The following GULP1 variants were observed in gnomAD, a reference collection of about 807,000 sequenced individuals.
GULP1 encodes PTB domain-containing engulfment adapter protein 1.
A neutral mutation model predicts 40.9 loss-of-function variants in GULP1; 19 were observed. The ratio of observed to expected loss-of-function variants is 0.46; its 90% CI spans 0.32 to 0.68. The LOEUF (loss-of-function observed/expected upper bound fraction) is 0.68, where lower values mean the gene tolerates loss of function less well. Among genes scored for constraint, GULP1 ranks in the 30% least tolerant of loss-of-function variants. GULP1 has a pLI of 0.03. For synonymous variants in GULP1, 119 were observed against 117.6 expected, an observed-to-expected ratio of 1.01 and a Z score of -0.08; for missense variants, 312 against 362.2, an observed-to-expected ratio of 0.86 and a Z score of 1.12.
At chr2:188,403,058 A>G (rs1296047589) in intron 2 of GULP1, among the ~76,000 whole-genome samples, 1 of 152,148 alleles carries the variant, frequency 6.6e-6, no homozygotes. Flanking sequence ...GAGAGAAAGT[A>G]TATCAATCCA....
chr2:188,425,265 A>G (rs1029403133), intron 2 of GULP1, among the ~76,000 whole-genome samples: 4 of 152,126 alleles, frequency 2.6e-5, no homozygotes, highest in Non-Finnish European at 5.9e-5. Flanking sequence ...GCATTGTTTA[A>G]TGATGAGTGA....
intron 2 of GULP1, among the ~76,000 whole-genome samples, chr2:188,456,699 A>G (rs1469181949): frequency 6.6e-6 from 1 of 152,192 alleles, no homozygotes; most frequent in Non-Finnish European, 1.5e-5. Flanking sequence ...GGCACCACCT[A>G]GTGGAGCTGT....
chr2:188,353,411 C>G (rs897327008), intron 1 of GULP1, among the ~76,000 whole-genome samples: 3 of 152,138 alleles, frequency 2.0e-5, no homozygotes, highest in African/African-American at 7.2e-5. Flanking sequence ...AAAAGAATGT[C>G]TTGGTGGAGC....
At chr2:188,409,275 C>A (rs1007635117) in intron 2 of GULP1, among the ~76,000 whole-genome samples, 4 of 151,990 alleles carry the variant, frequency 2.6e-5, no homozygotes, top group Admixed American at 2.6e-4. Context: ...AGAGGAGAAA[C>A]TACAACTGAT....
intron 4 of GULP1, among the ~76,000 whole-genome samples, chr2:188,514,677 A>C (rs930064723): frequency 2.0e-5 from 3 of 152,206 alleles, no homozygotes; most frequent in Admixed American, 2.0e-4. Flanking sequence ...TTAAGACATA[A>C]AGTTGCAAAA....
intron 9 of GULP1, among the ~76,000 whole-genome samples, chr2:188,577,584 T>C (rs1324690869): frequency 6.6e-6 from 1 of 152,102 alleles, no homozygotes; most frequent in Non-Finnish European, 1.5e-5. Context: ...ATTCCAGTTC[T>C]GATCATAAGT....
At chr2:188,406,154 T>A (rs1281787682) in intron 2 of GULP1, among the ~76,000 whole-genome samples, 1 of 152,188 alleles carries the variant, frequency 6.6e-6, no homozygotes, top group East Asian at 1.9e-4. Context: ...CATATACCTA[T>A]ATGGTATATA....
intron 1 of GULP1, among the ~76,000 whole-genome samples, chr2:188,328,441 G>A (rs1167006681): frequency 1.3e-5 from 2 of 152,068 alleles, no homozygotes; most frequent in African/African-American, 2.4e-5. Flanking sequence ...TTCTCTTAAT[G>A]CCATATTATC....
intron 1 of GULP1, among the ~76,000 whole-genome samples, chr2:188,318,264 C>A (rs1259831553): frequency 6.7e-6 from 1 of 148,336 alleles, no homozygotes; most frequent in African/African-American, 2.6e-5. Flanking sequence ...CAGAGTAAGT[C>A]TCATAAAAGT....
At chr2:188,461,820 T>C (rs1231062529) in intron 2 of GULP1, among the ~76,000 whole-genome samples, 2 of 152,154 alleles carry the variant, frequency 1.3e-5, no homozygotes, top group African/African-American at 4.8e-5. Context: ...TTATTTGCAA[T>C]GTCTCTGTTT....
intron 1 of GULP1, among the ~76,000 whole-genome samples, chr2:188,323,673 TG>T (rs2040342548): frequency 8.9e-6 from 1 of 111,914 alleles, no homozygotes; most frequent in East Asian, 2.2e-4. Context: ...TGTGTGTGTG[TG>T]TGTGTGTGTG....
At chr2:188,346,677 T>G (rs1027130145) in intron 1 of GULP1, among the ~76,000 whole-genome samples, 2 of 151,312 alleles carry the variant, frequency 1.3e-5, no homozygotes, top group African/African-American at 4.9e-5. Flanking sequence ...TATTTATCCA[T>G]GGTGAGTATT....
At chr2:188,543,445 C>T (rs912667719) in intron 7 of GULP1, among the ~76,000 whole-genome samples, 6 of 152,058 alleles carry the variant, frequency 3.9e-5, no homozygotes, top group East Asian at 1.9e-4. Context: ...TGAAAAAGGA[C>T]GTTTCCTCAA....
intron 2 of GULP1, among the ~76,000 whole-genome samples, chr2:188,399,118 A>G (rs2051720944): frequency 6.6e-6 from 1 of 152,242 alleles, no homozygotes; most frequent in South Asian, 2.1e-4. Flanking sequence ...TTAGATCACA[A>G]GTAACAGAAA....
intron 1 of GULP1, among the ~76,000 whole-genome samples, chr2:188,382,508 T>C (rs1370218356): frequency 2.0e-5 from 3 of 152,180 alleles, no homozygotes; most frequent in African/African-American, 7.2e-5. Context: ...ACTTCTCGCA[T>C]TGAAGTTATT....
chr2:188,423,616 A>G (rs1004895800), intron 2 of GULP1, among the ~76,000 whole-genome samples: 12 of 151,716 alleles, frequency 7.9e-5, no homozygotes, highest in African/African-American at 2.4e-4. Flanking sequence ...TATAAAAACA[A>G]AGTTTCTCTG....
At chr2:188,519,433 A>G (rs1456699734) in intron 4 of GULP1, among the ~76,000 whole-genome samples, 3 of 152,120 alleles carry the variant, frequency 2.0e-5, no homozygotes, top group African/African-American at 4.8e-5. Context: ...CTTATAGTCT[A>G]TTACTGATAG....
At position 188,568,102 on chromosome 2, in the gene GULP1, A is replaced by T. The variant is rs547292828; in HGVS notation, c.400-1137A>T. On this transcript the variant is annotated intron_variant, in intron 7 of 11. Coordinates refer to ENST00000409830, the MANE Select transcript of GULP1 (RefSeq NM_016315.4). ...TGCATTTTTTAGTTAACTAGGTTAA[A>T]TACTATATTTTTGTCTAAAACCCTC... Among the ~76,000 whole-genome samples the T allele has an allele frequency of 2.7e-3, 418 of 152,212 alleles. 2 individuals carry two copies. The highest frequency in any genetic ancestry group is 6.0e-3 in the Admixed American group (91 of 15,292).
chr2:188,407,806 G>A (rs1213417909), intron 2 of GULP1, among the ~76,000 whole-genome samples: 1 of 152,112 alleles, frequency 6.6e-6, no homozygotes, highest in Non-Finnish European at 1.5e-5. Flanking sequence ...TAATTACCTT[G>A]AATGTTAATG....
Sources: allele counts gnomAD v4.1 joint callset (sites outside exome capture counted in the v4.1 genomes callset), GRCh38; gene constraint gnomAD v4.1.1; transcripts MANE v1.5; gene names NCBI Gene and HGNC (gene_info 2026-07-23, HGNC 2026-07-21).